MIER1: variants seen among roughly 807,000 people sequenced by gnomAD.
MIER1 encodes MIER1 transcriptional regulator.
A neutral mutation model predicts 75.7 loss-of-function variants in MIER1; 40 were observed. That is an observed-to-expected ratio of 0.53 (90% CI 0.41 to 0.69). The LOEUF is 0.69. Ranked by LOEUF, MIER1 falls within the 30% of genes least tolerant of loss-of-function variation. The pLI, the probability that MIER1 is intolerant of heterozygous loss-of-function variation, is 0.00. For synonymous variants in MIER1, 213 were observed against 223.4 expected (o/e 0.95, Z 0.42); for missense variants, 574 against 680.2 (o/e 0.84, Z 1.74).
chr1:66,942,963 G>T lies in MIER1; in HGVS notation c.193+2911G>T, dbSNP rs1344564197. On this transcript the variant is annotated intron_variant, in intron 3 of 13. Transcript: ENST00000401041. ...GAATTTTTTTAAAAGTCAATAGAGT[G>T]TAACAAGTATAACAAAGAATTAAGC... 5.3e-5 allele frequency among the ~76,000 whole-genome samples: 8 copies of T among 152,212 alleles called. No individual in the cohort carries two copies. In the South Asian group the frequency reaches 1.7e-3, roughly 32 times the overall value.
chr1:66,958,231 A>T lies in MIER1; in HGVS notation c.501+11A>T, dbSNP rs533126366. On this transcript the variant is annotated intron_variant, in intron 5 of 13. Coordinates refer to ENST00000401041, the MANE Select transcript of MIER1 (RefSeq NM_001077700.3). The stretch of plus-strand genomic sequence containing the variant: ...AGTGGGGAAAATAAAGTAAGTCTAT[A>T]TACATATATTTAAGATTGTAGTCTT... 1.9e-6 allele frequency: 3 copies of T among 1,580,808 alleles called. No homozygotes were observed. Among genetic ancestry groups the T allele is most frequent in the South Asian group, 2.3e-5 (2 of 88,096 alleles).
intron 13 of MIER1, among the ~76,000 whole-genome samples, chr1:66,982,995 T>C (rs1477668435): frequency 6.6e-6 from 1 of 152,272 alleles, no homozygotes; most frequent in East Asian, 1.9e-4. Context: ...TTGTTTTTCC[T>C]GTTTGTTCTT....
At chr1:66,946,108 C>G (rs750926867) in intron 3 of MIER1, 42 bp from the exon 4 acceptor site, 31 of 1,558,650 alleles carry the variant, frequency 2.0e-5, no homozygotes, top group Non-Finnish European at 2.6e-5. Flanking sequence ...ATAAGATCCA[C>G]TTAATTTGGT....
chr1:66,925,376 T>C, intron 1 of MIER1: 1 of 985,464 alleles, frequency 1.0e-6, no homozygotes, highest in Non-Finnish European at 1.2e-6. Flanking sequence ...GGGAATCCGC[T>C]GCGGAGTGAG....
At chr1:66,949,546 C>T (rs533459273) in intron 4 of MIER1, among the ~76,000 whole-genome samples, 1 of 152,180 alleles carries the variant, frequency 6.6e-6, no homozygotes, top group South Asian at 2.1e-4. Flanking sequence ...TTCTCAGATT[C>T]TTCTCTGACT....
intron 2 of MIER1, among the ~76,000 whole-genome samples, chr1:66,936,520 A>G (rs1012741911): frequency 6.6e-6 from 1 of 151,940 alleles, no homozygotes; most frequent in East Asian, 1.9e-4. Context: ...GGCGTGAGCC[A>G]CCGTGCCCAC....
rs1652909991 is a variant in MIER1, at chr1:66,930,467, T to C, written c.168+4225T>C. ...CCCCCGGCCCTGGGCCGGGGAGGAG[T>C]GGAGTGGGCCTGGCCAGGAGAGGCC... On this transcript the variant is annotated intron_variant, in intron 2 of 13. Transcript: ENST00000401041. The C allele has an allele frequency of 2.6e-6, 4 of 1,536,090 alleles. No homozygotes were observed. The Admixed American group carries it at 5.5e-5, about 21-fold the overall frequency.
intron 2 of MIER1, among the ~76,000 whole-genome samples, chr1:66,929,580 A>T (rs1184373145): frequency 6.6e-6 from 1 of 152,248 alleles, no homozygotes. Flanking sequence ...CCATGCTACT[A>T]AATAGATGAT....
At chr1:66,929,531 ACAGGCATTT>A (rs944441505) in intron 2 of MIER1, among the ~76,000 whole-genome samples, 19 of 152,390 alleles carry the variant, frequency 1.2e-4, no homozygotes, top group Admixed American at 1.2e-3. Flanking sequence ...CTTTCAAGTT[ACAGGCATTT>A]CAGGCATTGC....
chr1:66,931,344 C>T (rs961266227), intron 2 of MIER1, among the ~76,000 whole-genome samples: 1 of 152,062 alleles, frequency 6.6e-6, no homozygotes, highest in Non-Finnish European at 1.5e-5. Context: ...GTTTTGTTTC[C>T]GTTTTTCCTT....
At chr1:66,937,935 A>G (rs1031275524) in intron 2 of MIER1, among the ~76,000 whole-genome samples, 2 of 152,222 alleles carry the variant, frequency 1.3e-5, no homozygotes, top group Admixed American at 1.3e-4. Flanking sequence ...TACTAAATGT[A>G]TCTGTAGGCA....
chr1:66,934,192 C>T (rs913369842), intron 2 of MIER1, among the ~76,000 whole-genome samples: 2 of 152,078 alleles, frequency 1.3e-5, no homozygotes, highest in Non-Finnish European at 2.9e-5. Flanking sequence ...CTGCATACTC[C>T]TTAGTAGTGT....
chr1:66,925,639 T>G (rs1006485541), intron 1 of MIER1: 4 of 763,160 alleles, frequency 5.2e-6, no homozygotes, highest in African/African-American at 1.9e-5. Flanking sequence ...TCCTAGCGCG[T>G]GGGAGGATCC....
At chr1:66,928,143 ATG>A in intron 2 of MIER1, among the ~76,000 whole-genome samples, 1 of 152,210 alleles carries the variant, frequency 6.6e-6, no homozygotes, top group East Asian at 1.9e-4. Flanking sequence ...AAGGGGAAAA[ATG>A]TAGAGAGTTT....
chr1:66,932,650 G>A (rs1653723365), intron 2 of MIER1: 1 of 152,142 alleles, frequency 6.6e-6, no homozygotes, highest in Admixed American at 6.5e-5. Flanking sequence ...CAATATAAAA[G>A]CATGTGATTA....
At chr1:66,930,105 C>T (rs1652741401) in intron 2 of MIER1, 1 of 831,462 alleles carries the variant, frequency 1.2e-6, no homozygotes, top group Non-Finnish European at 1.6e-6. Context: ...CCGCCCCCTC[C>T]GCTCTTCCCG....
chr1:66,954,890 G>A (rs1395392398), intron 4 of MIER1, among the ~76,000 whole-genome samples: 2 of 151,980 alleles, frequency 1.3e-5, no homozygotes, highest in African/African-American at 2.4e-5. Context: ...TGTAATTTTA[G>A]TGGAGATGGG....
chr1:66,936,860 G>A (rs1412092129), intron 2 of MIER1, among the ~76,000 whole-genome samples: 12 of 151,458 alleles, frequency 7.9e-5, no homozygotes, highest in East Asian at 2.0e-4. Context: ...TTAGCCAGAC[G>A]TGGTGGTGTG....
In MIER1 at chr1:66,988,209, C is replaced by A. The variant is rs1414788187; in HGVS notation, c.*3309C>A. 6.6e-6 allele frequency: 1 copy of A among 152,296 alleles called. No homozygotes were observed. The highest frequency in any genetic ancestry group is 1.5e-5 in the Non-Finnish European group (1 of 68,010). 9.4% of individuals were successfully genotyped at this position (152,296 alleles called of 1,614,324 possible). A position where few individuals can be genotyped will look rare whatever the true frequency, so the allele number is the denominator to read the frequency against. On this transcript the variant is annotated 3_prime_UTR_variant, in exon 14 of 14. Coordinates refer to ENST00000401041, the MANE Select transcript of MIER1 (RefSeq NM_001077700.3). ...CCAGTGTGGAAAACCATGTAACATA[C>A]AGAAGAACAGGAGTTTCCAAATTTT...
Sources: allele counts gnomAD v4.1 joint callset (sites outside exome capture counted in the v4.1 genomes callset), GRCh38; gene constraint gnomAD v4.1.1; transcripts MANE v1.5; gene names NCBI Gene and HGNC (gene_info 2026-07-23, HGNC 2026-07-21).